Variants in BLZF1 observed in about 807,000 individuals in gnomAD.
BLZF1 encodes basic leucine zipper nuclear factor 1.
BLZF1 carries 39 observed loss-of-function variants against 43.8 expected under a neutral mutation model. The ratio of observed to expected loss-of-function variants is 0.89; its 90% CI spans 0.69 to 1.16. BLZF1 has a LOEUF of 1.16. Ranked by LOEUF, BLZF1 falls within the 50% of genes most tolerant of loss-of-function variation. The pLI, the probability that BLZF1 is intolerant of heterozygous loss-of-function variation, is 0.00. For missense variants in BLZF1, 449 were observed against 469.8 expected, an observed-to-expected ratio of 0.96 and a Z score of 0.41; for synonymous variants, 136 against 159.4, an observed-to-expected ratio of 0.85 and a Z score of 1.11.
At chr1:169,377,699 C>T (rs185134917) in intron 3 of BLZF1, among the ~76,000 whole-genome samples, 3 of 152,006 alleles carry the variant, frequency 2.0e-5, no homozygotes, top group African/African-American at 7.2e-5. Flanking sequence ...TAACCATATA[C>T]ATTGAGTTCA....
At chr1:169,380,749 C>A (rs1654500552) in intron 5 of BLZF1, 140 bp downstream of exon 5, 10 of 913,864 alleles carry the variant, frequency 1.1e-5, no homozygotes, top group Non-Finnish European at 1.4e-5. Context: ...CTTTTAGTAG[C>A]ATTTTAAAAT....
Position 169,387,559 on chromosome 1 carries a change from T to C in BLZF1, c.*377T>C, listed in dbSNP as rs1316818002. The C allele has an allele frequency of 6.1e-6, 1 of 163,112 alleles. No individual in the cohort carries two copies. Among genetic ancestry groups the C allele is most frequent in the East Asian group, 1.9e-4 (1 of 5,368 alleles). 10.1% of individuals were successfully genotyped at this position (163,112 alleles called of 1,614,324 possible). A position where few individuals can be genotyped will look rare whatever the true frequency, so the allele number is the denominator to read the frequency against. ...TGCACTAAAGCAAAGGTAGGCAAAC[T>C]ACAACCATGAGTCAAACATGGCCAC... On this transcript the variant is annotated 3_prime_UTR_variant, in exon 7 of 7. Coordinates refer to ENST00000367808, the MANE Select transcript of BLZF1 (RefSeq NM_001320973.2).
Position 169,382,281 on chromosome 1 carries a change from G to C in BLZF1, c.1017G>C (p.Thr339=). ...CCCCAGCTGAGAAAATGGCTGAAAC[G>C]GTAAAATATTTTCTTTTGTGATCTA... ...CSTPAEKMAE[T]VLRILDPVTC... is the part of the protein sequence containing the mutation. Residue 339 remains threonine, a splice_region_variant and synonymous_variant, in exon 6 of 7, where the codon ACG becomes ACC. Coordinates refer to ENST00000367808, the MANE Select transcript of BLZF1 (RefSeq NM_001320973.2). The C allele has an allele frequency of 6.2e-7, 1 of 1,611,510 alleles. No individual in the cohort carries two copies. The highest frequency in any genetic ancestry group is 8.5e-7 in the Non-Finnish European group (1 of 1,178,420).
chr1:169,392,334 A>G (rs1654833575), downstream of BLZF1, among the ~76,000 whole-genome samples: 1 of 152,212 alleles, frequency 6.6e-6, no homozygotes, highest in Admixed American at 6.5e-5. Flanking sequence ...CCCAATTTCA[A>G]AACTTACTAT....
chr1:169,393,598 A>T (rs1571449677), intron 7 of BLZF1, among the ~76,000 whole-genome samples: 1 of 149,014 alleles, frequency 6.7e-6, no homozygotes, highest in Non-Finnish European at 1.5e-5. Context: ...GAAAAAAAAA[A>T]ACAACTTTGT....
downstream of BLZF1, among the ~76,000 whole-genome samples, chr1:169,392,557 G>A (rs953625585): frequency 1.3e-5 from 2 of 152,150 alleles, no homozygotes; most frequent in Non-Finnish European, 2.9e-5. Context: ...TACATATTTT[G>A]GTCTTGTACC....
At chr1:169,380,744 A>G in intron 5 of BLZF1, 135 bp downstream of exon 5, 1 of 952,986 alleles carries the variant, frequency 1.0e-6, no homozygotes, top group Non-Finnish European at 1.5e-6. Context: ...ATATACTTTT[A>G]GTAGCATTTT....
Position 169,369,558 on chromosome 1 carries a change from G to C in BLZF1, c.28+8G>C. On this transcript the variant is annotated splice_region_variant and intron_variant, in intron 2 of 6. Coordinates refer to ENST00000367808, the MANE Select transcript of BLZF1 (RefSeq NM_001320973.2). The stretch of plus-strand genomic sequence containing the variant: ...AAAATTTAGAAACCAAAGGTAAGTG[G>C]CTTTTTTATAATTGTTTTTAAAACA... 6.3e-7 allele frequency: 1 copy of C among 1,599,948 alleles called. No homozygotes were observed. Among genetic ancestry groups the C allele is most frequent in the South Asian group, 1.1e-5 (1 of 89,868 alleles).
intron 3 of BLZF1, 86 bp from the exon 4 acceptor site, chr1:169,378,244 A>T (rs1654423776): frequency 1.5e-6 from 2 of 1,348,148 alleles, no homozygotes; most frequent in East Asian, 4.6e-5. Flanking sequence ...AATTACACAG[A>T]AACACAGTCT....
chr1:169,389,938 GGA>G (rs1327668119), downstream of BLZF1, among the ~76,000 whole-genome samples: 1 of 152,160 alleles, frequency 6.6e-6, no homozygotes, highest in African/African-American at 2.4e-5. Context: ...ATCAGGGACT[GGA>G]GAGAGTGTAG....
At chr1:169,380,362 T>G in intron 4 of BLZF1, 119 bp from the exon 5 acceptor site, 1 of 840,072 alleles carries the variant, frequency 1.2e-6, no homozygotes, top group Non-Finnish European at 1.6e-6. Flanking sequence ...AACTGTGAAG[T>G]AACTATACTG....
chr1:169,383,447 G>A (rs146146086), intron 6 of BLZF1, among the ~76,000 whole-genome samples: 246 of 152,252 alleles, frequency 1.6e-3, no homozygotes, highest in African/African-American at 5.3e-3. Context: ...ATTGTAAGAT[G>A]TCTGGATATG....
downstream of BLZF1, among the ~76,000 whole-genome samples, chr1:169,388,830 C>G (rs1035609918): frequency 3.3e-5 from 5 of 151,806 alleles, no homozygotes; most frequent in African/African-American, 1.2e-4. Flanking sequence ...ACTAAGAATA[C>G]AAAAAATTGG....
chr1:169,383,314 A>G (rs1654578597), intron 6 of BLZF1, among the ~76,000 whole-genome samples: 1 of 152,094 alleles, frequency 6.6e-6, no homozygotes, highest in Non-Finnish European at 1.5e-5. Flanking sequence ...TCTCCTAAGC[A>G]TACCTCCCCT....
At chr1:169,377,539 A>G (rs1036490688) in intron 3 of BLZF1, among the ~76,000 whole-genome samples, 18 of 152,026 alleles carry the variant, frequency 1.2e-4, no homozygotes, top group Admixed American at 9.8e-4. Flanking sequence ...AAGTGAGACC[A>G]TGGTTAGTGT....
At chr1:169,370,681 G>T (rs1375923270) in intron 2 of BLZF1, among the ~76,000 whole-genome samples, 1 of 152,314 alleles carries the variant, frequency 6.6e-6, no homozygotes, top group Middle Eastern at 3.4e-3. Flanking sequence ...CAGCCCTGCT[G>T]TAGCTGTATC....
At chr1:169,372,476 A>T (rs533021009) in intron 2 of BLZF1, among the ~76,000 whole-genome samples, 1 of 152,294 alleles carries the variant, frequency 6.6e-6, no homozygotes, top group South Asian at 2.1e-4. Context: ...GGACCATTTT[A>T]TTAGTTCATG....
chr1:169,370,027 G>A (rs1654056500), intron 2 of BLZF1, among the ~76,000 whole-genome samples: 1 of 152,158 alleles, frequency 6.6e-6, no homozygotes, highest in Non-Finnish European at 1.5e-5. Flanking sequence ...TGTCAACAAG[G>A]CTGTGCTCCT....
Position 169,381,910 on chromosome 1 carries a change from T to C in BLZF1, c.798-152T>C, listed in dbSNP as rs1287731832. The C allele has an allele frequency of 2.1e-5, 13 of 629,304 alleles. No individual in the cohort carries two copies. In the East Asian group the frequency reaches 3.7e-4, roughly 18 times the overall value. The allele number at this position is 629,304 out of a possible 1,614,324, so 39.0% of individuals were successfully genotyped here. ...CTTTCTGTAGTCTAACTTACTTGAC[T>C]AAGACATCCGAATTTATGGAACTCT... On this transcript the variant is annotated intron_variant, in intron 5 of 6. Transcript: ENST00000367808.
Sources: gnomAD v4.1 joint callset for allele counts (sites outside exome capture counted in the v4.1 genomes callset) on GRCh38, gnomAD v4.1.1 for gene constraint, MANE v1.5 for transcripts, NCBI Gene and HGNC (gene_info 2026-07-23, HGNC 2026-07-21) for gene names.